Variants in PIP5K1B observed in about 807,000 individuals in gnomAD.
PIP5K1B encodes the protein phosphatidylinositol 4-phosphate 5-kinase type-1 beta.
Under a neutral mutation model 67.0 loss-of-function variants are expected in PIP5K1B, and 42 were observed. The ratio of observed to expected loss-of-function variants is 0.63; its 90% CI spans 0.49 to 0.81. The LOEUF is 0.81. Among genes scored for constraint, PIP5K1B ranks in the 30% least tolerant of loss-of-function variants. The pLI is 0.00. For missense variants in PIP5K1B, 459 were observed against 646.3 expected (o/e 0.71, Z 3.14); for synonymous variants, 214 against 231.4 (o/e 0.92, Z 0.68).
intron 6 of PIP5K1B, among the ~76,000 whole-genome samples, chr9:68,885,770 C>G (rs1387802952): frequency 6.6e-6 from 1 of 152,152 alleles, no homozygotes; most frequent in Non-Finnish European, 1.5e-5. Flanking sequence ...ATTAAAATCC[C>G]AGGCTCCACC....
At chr9:68,842,293 T>C in intron 4 of PIP5K1B, among the ~76,000 whole-genome samples, 1 of 152,252 alleles carries the variant, frequency 6.6e-6, no homozygotes, top group East Asian at 1.9e-4. Context: ...GTACACACAC[T>C]GCACCAGCAG....
chr9:68,872,840 AC>A (rs1170490613), intron 5 of PIP5K1B, among the ~76,000 whole-genome samples: 2 of 152,210 alleles, frequency 1.3e-5, no homozygotes, highest in African/African-American at 4.8e-5. Flanking sequence ...TTTTCTTAAT[AC>A]CACATAGAAT....
intron 4 of PIP5K1B, among the ~76,000 whole-genome samples, chr9:68,863,612 A>C (rs1823213174): frequency 6.6e-6 from 1 of 152,230 alleles, no homozygotes; most frequent in Non-Finnish European, 1.5e-5. Context: ...TTCCAAATTA[A>C]ATTATAAGAA....
intron 2 of PIP5K1B, among the ~76,000 whole-genome samples, chr9:68,766,993 A>C (rs1416886713): frequency 6.6e-6 from 1 of 152,190 alleles, no homozygotes; most frequent in African/African-American, 2.4e-5. Context: ...GCCCAAGTAA[A>C]TTCTTCAAAT....
intron 4 of PIP5K1B, among the ~76,000 whole-genome samples, chr9:68,834,640 A>G (rs1834502035): frequency 6.6e-6 from 1 of 152,118 alleles, no homozygotes; most frequent in Non-Finnish European, 1.5e-5. Flanking sequence ...TCTTGAGCCT[A>G]CAGTTCTGGA....
At chr9:68,836,209 G>C (rs930389929) in intron 4 of PIP5K1B, among the ~76,000 whole-genome samples, 4 of 152,126 alleles carry the variant, frequency 2.6e-5, no homozygotes, top group African/African-American at 9.7e-5. Context: ...CTCGCCCCAG[G>C]TTATTTCTTT....
intron 14 of PIP5K1B, among the ~76,000 whole-genome samples, chr9:68,944,729 AC>A (rs1827718613): frequency 6.6e-6 from 1 of 152,174 alleles, no homozygotes; most frequent in African/African-American, 2.4e-5. Context: ...TCCTGCCATT[AC>A]AGTGTCATAA....
chr9:68,711,488 T>C (rs184216697), intron 1 of PIP5K1B, among the ~76,000 whole-genome samples: 1 of 152,386 alleles, frequency 6.6e-6, no homozygotes, highest in Admixed American at 6.5e-5. Context: ...AACTTGGCAC[T>C]GTGTCTGGCA....
chr9:68,883,752 G>A (rs1824314353), intron 6 of PIP5K1B, among the ~76,000 whole-genome samples: 1 of 151,920 alleles, frequency 6.6e-6, no homozygotes. Flanking sequence ...TTACAGAGCT[G>A]TAGTATCAAA....
chr9:68,773,495 A>G (rs1051127758), intron 2 of PIP5K1B, among the ~76,000 whole-genome samples: 7 of 152,226 alleles, frequency 4.6e-5, no homozygotes, highest in Middle Eastern at 3.2e-3. Context: ...TTAATTTAAT[A>G]TCTTCCTTTA....
chr9:68,966,283 G>T (rs1161414061), intron 14 of PIP5K1B, among the ~76,000 whole-genome samples: 1 of 152,154 alleles, frequency 6.6e-6, no homozygotes, highest in African/African-American at 2.4e-5. Context: ...TCCCTTAAGC[G>T]TTGGCCACAC....
At chr9:68,946,324 T>C (rs1274623163) in intron 14 of PIP5K1B, among the ~76,000 whole-genome samples, 3 of 152,256 alleles carry the variant, frequency 2.0e-5, no homozygotes, top group East Asian at 3.9e-4. Context: ...CAGCCCCTAG[T>C]AGGATGATGC....
chr9:68,937,080 C>A (rs1012718335), intron 13 of PIP5K1B, among the ~76,000 whole-genome samples: 2 of 151,928 alleles, frequency 1.3e-5, no homozygotes, highest in African/African-American at 2.4e-5. Flanking sequence ...TCTTTTTTTG[C>A]TGTGTCTCTG....
At chr9:68,943,772 C>T (rs538267477) in intron 14 of PIP5K1B, among the ~76,000 whole-genome samples, 14 of 152,058 alleles carry the variant, frequency 9.2e-5, no homozygotes, top group East Asian at 5.8e-4. Flanking sequence ...GTCTGTTTTC[C>T]GATTTTGACA....
At chr9:68,754,135 C>G (rs1267895934) in intron 2 of PIP5K1B, among the ~76,000 whole-genome samples, 1 of 146,144 alleles carries the variant, frequency 6.8e-6, no homozygotes, top group African/African-American at 2.5e-5. Context: ...GATGGTGAAT[C>G]ATTTTATTAA....
At chr9:68,805,143 A>G (rs1010146806) in intron 2 of PIP5K1B, among the ~76,000 whole-genome samples, 1 of 152,206 alleles carries the variant, frequency 6.6e-6, no homozygotes, top group East Asian at 1.9e-4. Flanking sequence ...TGCAGGCAAG[A>G]GGCTGTCAGA....
intron 8 of PIP5K1B, among the ~76,000 whole-genome samples, chr9:68,895,797 A>G (rs1182811425): frequency 1.3e-5 from 2 of 152,112 alleles, no homozygotes; most frequent in Admixed American, 6.5e-5. Context: ...GGTTTTTTTA[A>G]TGCATCATTT....
At chr9:68,708,500 C>G (rs908404277) in intron 1 of PIP5K1B, among the ~76,000 whole-genome samples, 93 of 152,030 alleles carry the variant, frequency 6.1e-4, no homozygotes, top group African/African-American at 2.1e-3. Flanking sequence ...TCTCCCTAGA[C>G]AGTAGACTCA....
At chr9:68,972,818 A>G (rs1829451359) in intron 14 of PIP5K1B, among the ~76,000 whole-genome samples, 1 of 152,166 alleles carries the variant, frequency 6.6e-6, no homozygotes, top group East Asian at 1.9e-4. Context: ...CTAATAACTA[A>G]AATGTATTGA....
Sources: gnomAD v4.1 joint callset for allele counts (sites outside exome capture counted in the v4.1 genomes callset) on GRCh38, gnomAD v4.1.1 for gene constraint, MANE v1.5 for transcripts, NCBI Gene and HGNC (gene_info 2026-07-23, HGNC 2026-07-21) for gene names.